Variants in PDE4D observed in about 807,000 individuals in gnomAD.
PDE4D encodes the protein phosphodiesterase 4D.
In PDE4D, 24 loss-of-function variants were observed where a neutral mutation model predicts 87.4. That is an observed-to-expected ratio of 0.27 (90% confidence interval 0.20 to 0.39). The LOEUF is 0.39. PDE4D is among the 10% of genes least tolerant of loss of function. PDE4D has a pLI of 1.00. For missense variants in PDE4D, 714 were observed against 1,041.0 expected (o/e 0.69, Z 4.32); for synonymous variants, 384 against 383.2 (o/e 1.00, Z -0.02).
At chr5:59,500,800 C>A (rs1427775049) in intron 1 of PDE4D, among the ~76,000 whole-genome samples, 1 of 152,078 alleles carries the variant, frequency 6.6e-6, no homozygotes, top group Admixed American at 6.5e-5. Context: ...CCTCTACTAC[C>A]CTCACAGGAC....
intron 1 of PDE4D, among the ~76,000 whole-genome samples, chr5:60,473,090 G>T (rs920899705): frequency 5.9e-5 from 7 of 118,302 alleles, no homozygotes; most frequent in African/African-American, 2.7e-4. Flanking sequence ...GAGAGAGAGA[G>T]ATGAAAGAAA....
chr5:59,934,483 C>G (rs1185536301), intron 3 of PDE4D, among the ~76,000 whole-genome samples: 1 of 152,078 alleles, frequency 6.6e-6, no homozygotes, highest in South Asian at 2.1e-4. Flanking sequence ...CTGCATAATC[C>G]CCAAAACTTT....
At chr5:60,495,120 A>ACATATAGTG (rs1749743225) in intron 1 of PDE4D, among the ~76,000 whole-genome samples, 1 of 152,230 alleles carries the variant, frequency 6.6e-6, no homozygotes, top group Admixed American at 6.5e-5. Context: ...GATAAATATC[A>ACATATAGTG]CATATAGTGC....
At chr5:59,873,697 A>G (rs1234048767) in intron 1 of PDE4D, among the ~76,000 whole-genome samples, 1 of 152,246 alleles carries the variant, frequency 6.6e-6, no homozygotes, top group Non-Finnish European at 1.5e-5. Context: ...AAAGTACATA[A>G]GCAGAAAAAT....
intron 1 of PDE4D, among the ~76,000 whole-genome samples, chr5:59,221,026 A>G (rs1013597656): frequency 6.6e-6 from 1 of 152,118 alleles, no homozygotes; most frequent in African/African-American, 2.4e-5. Flanking sequence ...TGCTTTGCAT[A>G]TATTATCTCA....
chr5:59,252,542 G>A (rs1313528121), intron 1 of PDE4D, among the ~76,000 whole-genome samples: 1 of 150,882 alleles, frequency 6.6e-6, no homozygotes, highest in Non-Finnish European at 1.5e-5. Flanking sequence ...TTTTTTCCCC[G>A]AGATGGGGTC....
chr5:60,324,208 A>G (rs1304432831), intron 1 of PDE4D, among the ~76,000 whole-genome samples: 1 of 152,120 alleles, frequency 6.6e-6, no homozygotes, highest in African/African-American at 2.4e-5. Context: ...ACTATTTACT[A>G]TTTTGTTCTC....
chr5:59,246,220 A>G (rs1043967350), intron 1 of PDE4D, among the ~76,000 whole-genome samples: 1 of 152,044 alleles, frequency 6.6e-6, no homozygotes, highest in African/African-American at 2.4e-5. Context: ...CTATTCAGAA[A>G]GGTACCAACC....
chr5:60,333,962 G>A (rs1323565555), intron 1 of PDE4D, among the ~76,000 whole-genome samples: 3 of 152,128 alleles, frequency 2.0e-5, no homozygotes, highest in Admixed American at 1.3e-4. Context: ...ACACACAAAA[G>A]CACTGTGGCT....
Position 59,200,122 on chromosome 5 carries a change from C to T in PDE4D, c.648-6586G>A, listed in dbSNP as rs531169843. Reference sequence around the variant, plus strand: ...ATACATGTATGCACACACATACATGCATGTAGACATACATGTATGTACACG... The same window carrying T: ...ATACATGTATGCACACACATACATGTATGTAGACATACATGTATGTACACG... On this transcript the variant is annotated intron_variant, in intron 2 of 14. Coordinates refer to ENST00000340635, the MANE Select transcript of PDE4D (RefSeq NM_001104631.2). Among the ~76,000 whole-genome samples the T allele has an allele frequency of 7.5e-5, 11 of 146,526 alleles. 1 individual carries two copies. Among genetic ancestry groups the T allele is most frequent in the African/African-American group, 2.1e-4 (8 of 37,570 alleles).
intron 2 of PDE4D, among the ~76,000 whole-genome samples, chr5:59,998,518 G>C (rs149906151): frequency 0.024 from 3,711 of 152,082 alleles, 71 homozygotes; most frequent in Non-Finnish European, 0.036. Flanking sequence ...AGCTCAGAAA[G>C]AAATAAGTAG....
At chr5:59,181,318 TAA>T (rs769431115) in intron 4 of PDE4D, among the ~76,000 whole-genome samples, 7 of 141,160 alleles carry the variant, frequency 5.0e-5, no homozygotes, top group African/African-American at 5.2e-5. Flanking sequence ...CCCCTTGAAG[TAA>T]AAAAAAAAAG....
At chr5:59,379,646 G>A (rs999421703) in intron 1 of PDE4D, among the ~76,000 whole-genome samples, 20 of 151,636 alleles carry the variant, frequency 1.3e-4, no homozygotes, top group African/African-American at 4.4e-4. Flanking sequence ...CTATTGGCTG[G>A]GTCTAATATG....
chr5:60,335,506 T>A (rs936611231), intron 1 of PDE4D, among the ~76,000 whole-genome samples: 1 of 152,138 alleles, frequency 6.6e-6, no homozygotes, highest in African/African-American at 2.4e-5. Flanking sequence ...AGGAAGTGCA[T>A]ATATTTATCA....
At chr5:59,588,065 C>A (rs1237677020) in intron 1 of PDE4D, among the ~76,000 whole-genome samples, 2 of 152,122 alleles carry the variant, frequency 1.3e-5, no homozygotes, top group African/African-American at 2.4e-5. Context: ...CTGCAGATGA[C>A]CACATGGTGA....
chr5:60,495,103 C>A (rs1749741965), intron 1 of PDE4D, among the ~76,000 whole-genome samples: 1 of 152,178 alleles, frequency 6.6e-6, no homozygotes, highest in African/African-American at 2.4e-5. Flanking sequence ...AACCTTCCCA[C>A]AATACAGATA....
intron 1 of PDE4D, among the ~76,000 whole-genome samples, chr5:60,447,210 T>G (rs1054285086): frequency 6.6e-6 from 1 of 152,184 alleles, no homozygotes; most frequent in African/African-American, 2.4e-5. Context: ...TTTCAAATGG[T>G]CCATATGGGG....
At chr5:60,164,484 G>GA (rs564625739) in intron 2 of PDE4D, among the ~76,000 whole-genome samples, 1 of 151,970 alleles carries the variant, frequency 6.6e-6, no homozygotes, top group Non-Finnish European at 1.5e-5. Context: ...CATACTTCTA[G>GA]AAAAAAAGAT....
At chr5:59,710,118 G>A (rs911027999) in intron 1 of PDE4D, among the ~76,000 whole-genome samples, 2 of 152,114 alleles carry the variant, frequency 1.3e-5, no homozygotes, top group African/African-American at 2.4e-5. Flanking sequence ...ATTATACAAC[G>A]AACCAGAACT....
Sources: gnomAD v4.1 joint callset for allele counts (sites outside exome capture counted in the v4.1 genomes callset) on GRCh38, gnomAD v4.1.1 for gene constraint, MANE v1.5 for transcripts, NCBI Gene and HGNC (gene_info 2026-07-23, HGNC 2026-07-21) for gene names.